SIN3B: variants seen among roughly 807,000 people sequenced by gnomAD.
SIN3B encodes the protein SIN3 transcription regulator family member B.
SIN3B carries 19 observed loss-of-function variants against 120.2 expected under a neutral mutation model. The ratio of observed to expected loss-of-function variants is 0.16; its 90% CI spans 0.11 to 0.23. The LOEUF is 0.23. SIN3B is among the 10% of genes least tolerant of loss of function. The probability of loss-of-function intolerance (pLI) is 1.00; values close to 1 mark genes in which losing one functional copy is unlikely to be tolerated. For synonymous variants in SIN3B, 654 were observed against 653.2 expected, an observed-to-expected ratio of 1.00 and a Z score of -0.02; for missense variants, 1,073 against 1,573.0, an observed-to-expected ratio of 0.68 and a Z score of 5.38.
intron 12 of SIN3B, among the ~76,000 whole-genome samples, chr19:16,867,988 G>A (rs780606310): frequency 3.9e-5 from 6 of 152,190 alleles, no homozygotes; most frequent in Admixed American, 2.0e-4. Flanking sequence ...CCTGGGGCTG[G>A]GGCTGACAAA....
intron 3 of SIN3B, among the ~76,000 whole-genome samples, chr19:16,836,335 C>T (rs111450726): frequency 0.01 from 1,588 of 152,136 alleles, 28 homozygotes; most frequent in African/African-American, 0.035. Flanking sequence ...TGGCCAGTGA[C>T]GACCTGGGGA....
intron 8 of SIN3B, among the ~76,000 whole-genome samples, chr19:16,858,505 C>G (rs1443325403): frequency 6.6e-6 from 1 of 152,128 alleles, no homozygotes; most frequent in Middle Eastern, 3.4e-3. Context: ...TTTTTTTTAG[C>G]ATCTTAATGA....
intron 3 of SIN3B, among the ~76,000 whole-genome samples, chr19:16,840,917 G>A (rs756383092): frequency 1.3e-5 from 2 of 152,132 alleles, no homozygotes; most frequent in Non-Finnish European, 2.9e-5. Flanking sequence ...AGGAGGTGGC[G>A]TCATTTTACT....
At position 16,854,433 on chromosome 19, in the gene SIN3B, C is replaced by G. The variant is rs1221000608; in HGVS notation, c.1058+172C>G. On this transcript the variant is annotated intron_variant, in intron 8 of 18. Coordinates refer to ENST00000248054, the MANE Select transcript of SIN3B (RefSeq NM_001297595.2). ...TCCCATGCATTTGTAAGGAGCAATA[C>G]ACCACCTGGGTACCCTCCAGCTGGT... 7 of 572,000 alleles carry G rather than the reference C, an allele frequency of 1.2e-5. No individual in the cohort carries two copies. The Admixed American group carries it at 2.4e-4, about 19-fold the overall frequency. The allele number at this position is 572,000 out of a possible 1,614,324, so 35.4% of individuals were successfully genotyped here.
At chr19:16,831,183 C>T (rs1046316906) in intron 2 of SIN3B, among the ~76,000 whole-genome samples, 1 of 151,994 alleles carries the variant, frequency 6.6e-6, no homozygotes, top group African/African-American at 2.4e-5. Context: ...GTGCCTCTGC[C>T]TCCTGAGTAG....
At chr19:16,830,383 A>C (rs1971263933) in intron 2 of SIN3B, among the ~76,000 whole-genome samples, 1 of 152,164 alleles carries the variant, frequency 6.6e-6, no homozygotes, top group Non-Finnish European at 1.5e-5. Context: ...TAAAATGCTT[A>C]GTAAGGGAGC....
rs1253047288 is a variant in SIN3B, at chr19:16,851,477, G to A, written c.792G>A (p.Glu264=). The A allele has an allele frequency of 6.2e-7, 1 of 1,610,168 alleles. No homozygotes were observed. The highest frequency in any genetic ancestry group is 8.5e-7 in the Non-Finnish European group (1 of 1,178,468). ...AGAACGAGCACGACAAGACCCCGGA[G>A]CACAGCAGGAAGCGCTCCCGGCCCT... ...VQKNEHDKTP[E]HSRKRSRPSL... is the part of the protein sequence containing the mutation. The change falls in exon 6 of 19, where the codon GAG becomes GAA. Residue 264 remains glutamate (E), a synonymous_variant. Transcript: ENST00000248054.
intron 5 of SIN3B, among the ~76,000 whole-genome samples, chr19:16,849,299 G>A (rs1971515897): frequency 6.6e-6 from 1 of 152,224 alleles, no homozygotes; most frequent in Non-Finnish European, 1.5e-5. Flanking sequence ...TTGCAGGCCA[G>A]TTGATCTTTG....
rs1270859701 is a variant in SIN3B, at chr19:16,878,789, C to T, written c.*62C>T. 13 of 1,405,332 alleles carry T rather than the reference C, an allele frequency of 9.3e-6. No individual in the cohort carries two copies. Among genetic ancestry groups the T allele is most frequent in the Admixed American group, 6.5e-5 (3 of 45,870 alleles). 87.1% of individuals were successfully genotyped at this position (1,405,332 alleles called of 1,614,324 possible). On this transcript the variant is annotated 3_prime_UTR_variant, in exon 19 of 19. Coordinates refer to ENST00000248054, the MANE Select transcript of SIN3B (RefSeq NM_001297595.2). ...GCACAGACGTGCCCTCGGCCTTGGT[C>T]GTGTCGGGGCCGTTTTCTTGAACGA... is the stretch of plus-strand genomic sequence containing the variant.
In SIN3B at chr19:16,862,999, C is replaced by G; in HGVS notation, c.1266+440C>G. ...GCAGGGGTCAGCAAACTCTGGCCCA[C>G]GGGCCCTGGCCCGCTGCCCGTGTTT... On this transcript the variant is annotated intron_variant, in intron 9 of 18. Transcript: ENST00000248054. The surrounding 1 kb of genome is among the most constrained non-coding windows in gnomAD (Gnocchi z 4.7). 5 of 1,571,302 alleles carry G rather than the reference C, an allele frequency of 3.2e-6. No homozygotes were observed. Among genetic ancestry groups the G allele is most frequent in the Non-Finnish European group, 4.4e-6 (5 of 1,141,142 alleles).
In SIN3B at chr19:16,869,829, C is replaced by T. The variant is rs1290928985; in HGVS notation, c.2176C>T (p.Pro726Ser). 3 of 1,613,862 alleles carry T rather than the reference C, an allele frequency of 1.9e-6. No individual in the cohort carries two copies. Among genetic ancestry groups the T allele is most frequent in the Admixed American group, 3.3e-5 (2 of 60,012 alleles). The change falls in exon 13 of 19, where the codon CCC becomes TCC. Residue 726 changes from proline (P) to serine (S), a missense_variant. Pro to Ser is a moderately conservative substitution (Grantham distance 74, BLOSUM62 -1). Transcript: ENST00000248054. ...FGDAPATEQPPLPPPAPHKPL... is the reference protein window; with the variant it reads ...FGDAPATEQPSLPPPAPHKPL... ...GGATGCCCCGGCCACTGAGCAGCCACCCCTGCCGCCCCCAGCCCCGCACAA... is the reference window on the plus strand; with the variant it reads ...GGATGCCCCGGCCACTGAGCAGCCATCCCTGCCGCCCCCAGCCCCGCACAA...
chr19:16,856,074 T>C (rs1259302869), intron 8 of SIN3B, among the ~76,000 whole-genome samples: 1 of 152,028 alleles, frequency 6.6e-6, no homozygotes, highest in Middle Eastern at 3.2e-3. Flanking sequence ...TATATGTATA[T>C]ATATTATACC....
chr19:16,874,782 C>G lies in SIN3B; in HGVS notation c.2593-1273C>G, dbSNP rs1258976791. The stretch of plus-strand genomic sequence containing the variant: ...CTAGTTTGGTTGGTTTTGGTTTGGT[C>G]TGGTTTGGTGTGGTTTGGTCTGATC... On this transcript the variant is annotated intron_variant, in intron 14 of 18. Transcript: ENST00000248054. Among the ~76,000 whole-genome samples, 3 of 143,174 alleles carry G rather than the reference C, an allele frequency of 2.1e-5. No homozygotes were observed. The East Asian group carries it at 6.4e-4, about 31-fold the overall frequency. 93.9% of individuals were successfully genotyped at this position (143,174 alleles called of 152,430 possible).
At chr19:16,874,634 T>C (rs115720157) in intron 14 of SIN3B, among the ~76,000 whole-genome samples, 53,533 of 151,108 alleles carry the variant, frequency 0.35, 10,287 homozygotes, top group Non-Finnish European at 0.43. Context: ...TTTGGTCTGG[T>C]CTGGTCTGAT....
rs567761987 is a variant in SIN3B at position 16,846,919 on chromosome 19, C to T, written c.583-51C>T. 16 of 1,586,344 alleles carry T rather than the reference C, an allele frequency of 1.0e-5. No homozygotes were observed. In the African/African-American group the frequency reaches 1.9e-4, roughly 19 times the overall value. On this transcript the variant is annotated intron_variant, in intron 4 of 18. Transcript: ENST00000248054. ...GCTGCCTGAGTGTCCCGGCCCAGGG[C>T]ACAGCACTCCTTGACTAACGACTTA... is the stretch of plus-strand genomic sequence containing the variant.
At chr19:16,848,694 C>T (rs1021385429) in intron 5 of SIN3B, among the ~76,000 whole-genome samples, 2 of 152,084 alleles carry the variant, frequency 1.3e-5, no homozygotes, top group Non-Finnish European at 2.9e-5. Flanking sequence ...AGAGACAGGG[C>T]TTCGCCATGT....
rs200564763 is a variant in SIN3B at position 16,862,461 on chromosome 19, G to A, written c.1168G>A (p.Asp390Asn). ...CGGGGACGGGATAAGCCGGGAAATTGATTATGCATCCTGCAAGCGCATAGG... is the reference window on the plus strand; with the variant it reads ...CGGGGACGGGATAAGCCGGGAAATTAATTATGCATCCTGCAAGCGCATAGG... ...RSGDGISREI[D>N]YASCKRIGSS... Residue 390 changes from aspartate to asparagine, a missense_variant, in exon 9 of 19, where the codon GAT (aspartate) becomes AAT (asparagine). This residue lies in a region of SIN3B where 395 missense variants were observed against 528.0 expected (regional missense o/e 0.75). Transcript: ENST00000248054. The surrounding 1 kb of genome is among the most constrained non-coding windows in gnomAD (Gnocchi z 4.7). 5 of 1,614,066 alleles carry A rather than the reference G, an allele frequency of 3.1e-6. No homozygotes were observed. Among genetic ancestry groups the A allele is most frequent in the Non-Finnish European group, 3.4e-6 (4 of 1,180,040 alleles).
chr19:16,878,058 T>A, intron 17 of SIN3B, 125 bp from the exon 18 acceptor site: 1 of 791,906 alleles, frequency 1.3e-6, no homozygotes, highest in Non-Finnish European at 2.0e-6. Flanking sequence ...TTCCATTTGC[T>A]TTCTGTGGAC....
rs1404226048 is a variant in SIN3B at position 16,862,498 on chromosome 19, G to A, written c.1205G>A (p.Arg402Gln). 1.2e-6 allele frequency: 2 copies of A among 1,614,070 alleles called. No homozygotes were observed. The highest frequency in any genetic ancestry group is 1.3e-5 in the African/African-American group (1 of 75,030). The change falls in exon 9 of 19, where the codon CGG becomes CAG. Residue 402 changes from arginine (R) to glutamine (Q), a missense_variant. By Grantham distance (43) the Arg-to-Gln change is conservative (BLOSUM62 1). Transcript: ENST00000248054. This position sits in a 1 kb window ranked among gnomAD's most constrained non-coding sequence, Gnocchi z 4.7. The part of the protein sequence containing the change: ...ASCKRIGSSY[R>Q]ALPKTYQQPK... ...TGCAAGCGCATAGGATCCAGCTACC[G>A]GGCACTCCCCAAAACCTACCAGCAG...
Sources: allele counts gnomAD v4.1 joint callset (sites outside exome capture counted in the v4.1 genomes callset), GRCh38; gene constraint gnomAD v4.1.1; regional missense constraint gnomAD v4.1.1; non-coding constraint Gnocchi (gnomAD v3.1); transcripts MANE v1.5; gene names NCBI Gene and HGNC (gene_info 2026-07-23, HGNC 2026-07-21).